Variants in TECPR2 observed in about 807,000 individuals in gnomAD.
The protein encoded by TECPR2 is tectonin beta-propeller repeat containing 2.
A neutral mutation model predicts 138.1 loss-of-function variants in TECPR2; 65 were observed. The observed-to-expected ratio is 0.47, with a 90% CI of 0.39 to 0.58. TECPR2 has a LOEUF of 0.58. TECPR2 is among the 20% of genes least tolerant of loss of function. The pLI is 0.00. For missense variants in TECPR2, 1,553 were observed against 1,824.5 expected (o/e 0.85, Z 2.71); for synonymous variants, 746 against 749.8 (o/e 0.99, Z 0.08).
intron 2 of TECPR2, among the ~76,000 whole-genome samples, chr14:102,403,004 A>G (rs1386825732): frequency 6.6e-6 from 1 of 152,188 alleles, no homozygotes; most frequent in Non-Finnish European, 1.5e-5. Context: ...TTTTCCAAAC[A>G]GTTGAAGAGG....
chr14:102,382,790 C>G (rs1189903743), intron 2 of TECPR2, among the ~76,000 whole-genome samples: 1 of 151,546 alleles, frequency 6.6e-6, no homozygotes, highest in Non-Finnish European at 1.5e-5. Context: ...CGGAGTTTTG[C>G]TCTTGTTGCC....
At position 102,435,156 on chromosome 14, in the gene TECPR2, A is replaced by G. The variant is rs1269543194; in HGVS notation, c.2339A>G (p.Gln780Arg). 7 of 1,613,242 alleles carry G rather than the reference A, an allele frequency of 4.3e-6. No individual in the cohort carries two copies. Among genetic ancestry groups the G allele is most frequent in the Non-Finnish European group, 5.1e-6 (6 of 1,180,034 alleles). Residue 780 changes from glutamine to arginine, a missense_variant, in exon 9 of 20, where the codon CAG (glutamine) becomes CGG (arginine). Coordinates refer to ENST00000359520, the MANE Select transcript of TECPR2 (RefSeq NM_014844.5). ...SVTELGPSCSQQDLSRLGAED... is the reference protein window; with the variant it reads ...SVTELGPSCSRQDLSRLGAED... ...ACAGAGCTCGGACCTAGTTGCTCCC[A>G]GCAGGACCTGAGCCGGCTGGGTGCA...
intron 2 of TECPR2, among the ~76,000 whole-genome samples, chr14:102,393,483 C>T (rs1888233567): frequency 6.6e-6 from 1 of 152,170 alleles, no homozygotes; most frequent in Non-Finnish European, 1.5e-5. Flanking sequence ...ACAAAGGACA[C>T]TGATACATTA....
intron 5 of TECPR2, among the ~76,000 whole-genome samples, chr14:102,417,912 C>T (rs1184927945): frequency 6.6e-6 from 1 of 151,404 alleles, no homozygotes; most frequent in East Asian, 1.9e-4. Context: ...CACGGGGAGG[C>T]TGCTGCAGGA....
In TECPR2 at chr14:102,434,899, C is replaced by T. The variant is rs1264588992; in HGVS notation, c.2082C>T (p.Ser694=). ...GCATGGAGGCCTCTGGCCACCTCAG[C>T]ACAAATCTCTGGCATGCTGTCACTG... ...LTSMEASGHL[S]TNLWHAVTDD... The change falls in exon 9 of 20, where the codon AGC becomes AGT. Residue 694 remains serine, a synonymous_variant. Coordinates refer to ENST00000359520, the MANE Select transcript of TECPR2 (RefSeq NM_014844.5). The T allele has an allele frequency of 6.2e-7, 1 of 1,613,676 alleles. No homozygotes were observed. The highest frequency in any genetic ancestry group is 8.5e-7 in the Non-Finnish European group (1 of 1,180,058).
intron 2 of TECPR2, 115 bp from the exon 3 acceptor site, chr14:102,407,223 A>G: frequency 7.5e-7 from 1 of 1,330,518 alleles, no homozygotes; most frequent in Non-Finnish European, 1.0e-6. Flanking sequence ...TCAATCAAGA[A>G]TATGTATGGA....
intron 6 of TECPR2, 26 bp from the exon 7 acceptor site, chr14:102,428,215 GTTTTTTGTT>G (rs1478034105): frequency 1.1e-5 from 15 of 1,309,892 alleles, no homozygotes; most frequent in Middle Eastern, 2.1e-4. Context: ...TTAGTTTTGT[GTTTTTTGTT>G]TTTTTTTTTT....
chr14:102,453,112 C>T (rs1890189716), intron 16 of TECPR2, among the ~76,000 whole-genome samples: 1 of 152,184 alleles, frequency 6.6e-6, no homozygotes, highest in South Asian at 2.1e-4. Context: ...TATAGGAGGA[C>T]CTGCATCCAC....
intron 17 of TECPR2, among the ~76,000 whole-genome samples, chr14:102,475,096 G>A (rs1332162275): frequency 6.6e-6 from 1 of 152,242 alleles, no homozygotes; most frequent in African/African-American, 2.4e-5. Flanking sequence ...TGGCGCCTGT[G>A]CTTCCAGAGC....
At chr14:102,391,227 T>G (rs1298195579) in intron 2 of TECPR2, among the ~76,000 whole-genome samples, 2 of 152,008 alleles carry the variant, frequency 1.3e-5, no homozygotes, top group Non-Finnish European at 2.9e-5. Flanking sequence ...CCAACCAATT[T>G]TTTGTATTTT....
intron 7 of TECPR2, among the ~76,000 whole-genome samples, chr14:102,431,406 A>T (rs62008781): frequency 5.0e-5 from 7 of 139,962 alleles, no homozygotes; most frequent in Non-Finnish European, 7.7e-5. Flanking sequence ...GCAGTGGCGC[A>T]ATCTCGGCTC....
intron 12 of TECPR2, among the ~76,000 whole-genome samples, chr14:102,445,003 C>T (rs1239597034): frequency 6.6e-6 from 1 of 152,160 alleles, no homozygotes; most frequent in African/African-American, 2.4e-5. Flanking sequence ...GTGCTAGGGG[C>T]TGGGTGCGCC....
chr14:102,427,541 C>A (rs1049087334), intron 6 of TECPR2, among the ~76,000 whole-genome samples: 5 of 152,202 alleles, frequency 3.3e-5, no homozygotes, highest in African/African-American at 9.6e-5. Context: ...TCTTTATTTG[C>A]ACTGTCTACA....
intron 2 of TECPR2, among the ~76,000 whole-genome samples, chr14:102,398,480 C>T (rs568533044): frequency 2.6e-5 from 4 of 152,210 alleles, no homozygotes; most frequent in African/African-American, 9.6e-5. Context: ...ATATAAACAT[C>T]TAGGAAGTTA....
Position 102,367,785 on chromosome 14 carries a change from G to A in TECPR2, c.-73+4669G>A, listed in dbSNP as rs146796867. On this transcript the variant is annotated intron_variant, in intron 1 of 19. Coordinates refer to ENST00000359520, the MANE Select transcript of TECPR2 (RefSeq NM_014844.5). Reference sequence around the variant, plus strand: ...ATAAACCTAGGAATAGAACTTCTGGGTCACATGGTAACTCTGTAACCTTTT... The same window carrying A: ...ATAAACCTAGGAATAGAACTTCTGGATCACATGGTAACTCTGTAACCTTTT... Among the ~76,000 whole-genome samples the A allele has an allele frequency of 4.2e-3, 644 of 152,184 alleles. 3 individuals carry two copies. The highest frequency in any genetic ancestry group is 5.5e-3 in the Non-Finnish European group (371 of 68,012).
intron 10 of TECPR2, among the ~76,000 whole-genome samples, chr14:102,439,887 C>A (rs1317076919): frequency 6.6e-6 from 1 of 152,226 alleles, no homozygotes. Flanking sequence ...TCCATCTCTT[C>A]ATCAAAGTCC....
In TECPR2 at chr14:102,385,492, T is replaced by C. The variant is rs74625739; in HGVS notation, c.219+8552T>C. Among the ~76,000 whole-genome samples the C allele has an allele frequency of 2.6e-5, 4 of 152,210 alleles. No homozygotes were observed. In the East Asian group the frequency reaches 7.7e-4, roughly 29 times the overall value. Reference sequence around the variant, plus strand: ...ACATGGTAGAACAGCATCCACAGGCTCTACCAGAGTTTGGTGGAACAGCAT... The same window carrying C: ...ACATGGTAGAACAGCATCCACAGGCCCTACCAGAGTTTGGTGGAACAGCAT... On this transcript the variant is annotated intron_variant, in intron 2 of 19. Coordinates refer to ENST00000359520, the MANE Select transcript of TECPR2 (RefSeq NM_014844.5).
chr14:102,485,477 T>C (rs1891004170), intron 17 of TECPR2, among the ~76,000 whole-genome samples: 1 of 152,178 alleles, frequency 6.6e-6, no homozygotes, highest in African/African-American at 2.4e-5. Flanking sequence ...CTATTACCCC[T>C]CTTCACCATA....
Position 102,449,646 on chromosome 14 carries a change from T to C in TECPR2, c.3093T>C (p.Tyr1031=), listed in dbSNP as rs773749864. Residue 1031 remains tyrosine, a synonymous_variant, in exon 14 of 20, where the codon TAT becomes TAC. Coordinates refer to ENST00000359520, the MANE Select transcript of TECPR2 (RefSeq NM_014844.5). The part of the protein sequence containing the change: ...DHWWQVSITD[Y]VVFDQCSLFQ... The stretch of plus-strand genomic sequence containing the variant: ...CCTTCCAGGTGAGCATCACGGACTA[T>C]GTGGTGTTTGACCAGTGCAGCTTAT... The C allele has an allele frequency of 6.6e-5, 107 of 1,614,088 alleles. No homozygotes were observed. The highest frequency in any genetic ancestry group is 8.7e-5 in the Non-Finnish European group (103 of 1,180,048).
Sources: allele counts gnomAD v4.1 joint callset (sites outside exome capture counted in the v4.1 genomes callset), GRCh38; gene constraint gnomAD v4.1.1; transcripts MANE v1.5; gene names NCBI Gene and HGNC (gene_info 2026-07-23, HGNC 2026-07-21).